NEURL1: variants seen among roughly 807,000 people sequenced by gnomAD.
NEURL1 encodes the protein E3 ubiquitin-protein ligase NEURL1.
A neutral mutation model predicts 41.2 loss-of-function variants in NEURL1; 26 were observed. That is an observed-to-expected ratio of 0.63 (90% confidence interval 0.46 to 0.87). The LOEUF is 0.87. Ranked by LOEUF, NEURL1 falls within the 40% of genes least tolerant of loss-of-function variation. The pLI is 0.00. For missense variants in NEURL1, 761 were observed against 871.1 expected, an observed-to-expected ratio of 0.87 and a Z score of 1.59; for synonymous variants, 400 against 402.3, an observed-to-expected ratio of 0.99 and a Z score of 0.07.
intron 1 of NEURL1, among the ~76,000 whole-genome samples, chr10:103,497,148 C>T (rs2033704874): frequency 6.6e-6 from 1 of 152,202 alleles, no homozygotes; most frequent in Admixed American, 6.5e-5. Flanking sequence ...TCTTTCTACC[C>T]TAATAGAGCC....
chr10:103,548,684 G>A (rs946472979), intron 1 of NEURL1, among the ~76,000 whole-genome samples: 1 of 152,226 alleles, frequency 6.6e-6, no homozygotes, highest in Admixed American at 6.5e-5. Flanking sequence ...GGCTGGGACA[G>A]AGACTTTAGT....
chr10:103,555,545 T>G, intron 1 of NEURL1: 1 of 671,378 alleles, frequency 1.5e-6, no homozygotes, highest in Non-Finnish European at 2.0e-6. Context: ...GGTCTGGGGC[T>G]GTGTGGGGGC....
At chr10:103,495,147 G>C (rs529066294) in intron 1 of NEURL1, among the ~76,000 whole-genome samples, 1 of 152,200 alleles carries the variant, frequency 6.6e-6, no homozygotes, top group South Asian at 2.1e-4. Flanking sequence ...AGCACCCTCA[G>C]GGTGGCCCTA....
chr10:103,506,934 G>A (rs2033961457), intron 1 of NEURL1, among the ~76,000 whole-genome samples: 2 of 152,296 alleles, frequency 1.3e-5, no homozygotes. Flanking sequence ...TCTTCCCGAA[G>A]GGAGAAGGTC....
intron 1 of NEURL1, among the ~76,000 whole-genome samples, chr10:103,536,096 C>T (rs1446473960): frequency 6.6e-6 from 1 of 152,124 alleles, no homozygotes; most frequent in Non-Finnish European, 1.5e-5. Flanking sequence ...GGGTTGCTTG[C>T]ACCCTCTTGC....
intron 1 of NEURL1, among the ~76,000 whole-genome samples, chr10:103,499,297 C>A (rs915377725): frequency 6.6e-6 from 1 of 152,112 alleles, no homozygotes; most frequent in African/African-American, 2.4e-5. Flanking sequence ...TGTCTGTAGA[C>A]CCTGAATTTC....
intron 1 of NEURL1, among the ~76,000 whole-genome samples, chr10:103,506,908 G>T (rs1564804016): frequency 2.0e-5 from 3 of 152,146 alleles, no homozygotes; most frequent in African/African-American, 7.2e-5. Context: ...TCCAGCTAAT[G>T]TTCCTTTAAA....
intron 1 of NEURL1, among the ~76,000 whole-genome samples, chr10:103,520,715 G>T (rs955465449): frequency 6.6e-6 from 1 of 152,084 alleles, no homozygotes; most frequent in Non-Finnish European, 1.5e-5. Flanking sequence ...AAAATTTTGG[G>T]GGGTGGTATG....
At chr10:103,507,024 A>G (rs760809458) in intron 1 of NEURL1, among the ~76,000 whole-genome samples, 1 of 152,178 alleles carries the variant, frequency 6.6e-6, no homozygotes, top group Non-Finnish European at 1.5e-5. Context: ...TGATTCAAAC[A>G]TCAGAACCCA....
intron 1 of NEURL1, among the ~76,000 whole-genome samples, chr10:103,538,254 C>T (rs1327462222): frequency 2.0e-5 from 3 of 152,178 alleles, no homozygotes; most frequent in African/African-American, 4.8e-5. Flanking sequence ...GCTACCACGC[C>T]GGGCTTAATT....
intron 1 of NEURL1, among the ~76,000 whole-genome samples, chr10:103,540,582 G>A (rs1045505766): frequency 3.3e-5 from 5 of 152,090 alleles, no homozygotes; most frequent in African/African-American, 9.7e-5. Flanking sequence ...GAACCACCAC[G>A]CCCAGCCTTC....
rs1226453467 is a variant in NEURL1 at position 103,566,136 on chromosome 10, C to A, written c.86-4736C>A. Among the ~76,000 whole-genome samples, 1 of 151,898 alleles carries A rather than the reference C, an allele frequency of 6.6e-6. No individual in the cohort carries two copies. Among genetic ancestry groups the A allele is most frequent in the Non-Finnish European group, 1.5e-5 (1 of 67,998 alleles). On this transcript the variant is annotated intron_variant, in intron 1 of 5. Transcript: ENST00000369780. This position sits in a 1 kb window ranked among gnomAD's most constrained non-coding sequence, Gnocchi z 4.2. ...ACAGAATCATGCTCTGTCACCCAGGCTGAAGTGCAGTGGTGCTATCATAGC... is the reference window on the plus strand; with the variant it reads ...ACAGAATCATGCTCTGTCACCCAGGATGAAGTGCAGTGGTGCTATCATAGC...
At position 103,584,612 on chromosome 10, in the gene NEURL1, G is replaced by A. The variant is rs755956645; in HGVS notation, c.726G>A (p.Glu242=). The A allele has an allele frequency of 3.2e-4, 455 of 1,417,610 alleles. No individual in the cohort carries two copies. The highest frequency in any genetic ancestry group is 4.1e-4 in the Non-Finnish European group (446 of 1,091,738). 87.8% of individuals were successfully genotyped at this position (1,417,610 alleles called of 1,614,324 possible). The change falls in exon 4 of 6, where the codon GAG becomes GAA. Residue 242 remains glutamate (E), a synonymous_variant. Coordinates refer to ENST00000369780, the MANE Select transcript of NEURL1 (RefSeq NM_004210.5). ...TALRRPSLRR[E]ADDARLSVSL... ...TGCGGCGGCCGTCGCTGCGGCGCGA[G>A]GCGGACGACGCGCGCCTCTCGGTGA...
chr10:103,585,255 T>C, intron 4 of NEURL1, 30 bp downstream of exon 4: 1 of 1,461,462 alleles, frequency 6.8e-7, no homozygotes, highest in Non-Finnish European at 9.0e-7. Flanking sequence ...CCTGGGCGTA[T>C]GCCTTTCCTG....
chr10:103,578,627 T>C (rs2035717735), intron 3 of NEURL1, among the ~76,000 whole-genome samples: 1 of 152,238 alleles, frequency 6.6e-6, no homozygotes, highest in African/African-American at 2.4e-5. Context: ...TCTATAAATC[T>C]ATGAGATCCC....
intron 4 of NEURL1, 29 bp from the exon 5 acceptor site, chr10:103,589,485 T>G (rs911845236): frequency 1.3e-6 from 2 of 1,565,384 alleles, no homozygotes; most frequent in Non-Finnish European, 1.7e-6. Flanking sequence ...AGGCAGCTAG[T>G]GTGTCCTTCC....
chr10:103,569,987 A>G (rs2035504085), intron 1 of NEURL1, among the ~76,000 whole-genome samples: 2 of 152,184 alleles, frequency 1.3e-5, no homozygotes, highest in Admixed American at 6.5e-5. Flanking sequence ...CCTGTCTTCC[A>G]TCTCCTTCCT....
intron 1 of NEURL1, among the ~76,000 whole-genome samples, chr10:103,496,513 T>C (rs1232580929): frequency 6.6e-6 from 1 of 152,232 alleles, no homozygotes; most frequent in Non-Finnish European, 1.5e-5. Flanking sequence ...TATAGGATCA[T>C]ATGGGATTGC....
At chr10:103,507,480 TAGA>T (rs1281804869) in intron 1 of NEURL1, among the ~76,000 whole-genome samples, 1 of 152,214 alleles carries the variant, frequency 6.6e-6, no homozygotes, top group South Asian at 2.1e-4. Flanking sequence ...GGAGATACTT[TAGA>T]AGGTCAACTT....
Sources: allele counts gnomAD v4.1 joint callset (sites outside exome capture counted in the v4.1 genomes callset), GRCh38; gene constraint gnomAD v4.1.1; non-coding constraint Gnocchi (gnomAD v3.1); transcripts MANE v1.5; gene names NCBI Gene and HGNC (gene_info 2026-07-23, HGNC 2026-07-21).